The following TERB1 variants were observed in gnomAD, a reference collection of about 807,000 sequenced individuals.
The protein encoded by TERB1 is telomere repeats-binding bouquet formation protein 1.
A neutral mutation model predicts 92.3 loss-of-function variants in TERB1; 63 were observed. The ratio of observed to expected loss-of-function variants is 0.68; its 90% CI spans 0.56 to 0.84. TERB1 has a LOEUF of 0.84. TERB1 is among the 40% of genes least tolerant of loss of function. TERB1 has a pLI of 0.00. For missense variants in TERB1, 709 were observed against 843.7 expected (o/e 0.84, Z 1.98); for synonymous variants, 252 against 283.9 (o/e 0.89, Z 1.13).
At chr16:66,772,463 C>T (rs2018468120) in intron 13 of TERB1, 126 bp downstream of exon 13, 3 of 850,818 alleles carry the variant, frequency 3.5e-6, no homozygotes, top group Non-Finnish European at 5.2e-6. Flanking sequence ...ACCTGGGCAA[C>T]AGAGCAAGAC....
intron 18 of TERB1, among the ~76,000 whole-genome samples, chr16:66,755,879 T>A (rs1218469055): frequency 6.6e-6 from 1 of 152,170 alleles, no homozygotes; most frequent in African/African-American, 2.4e-5. Flanking sequence ...ATATCAACAC[T>A]TGTTAAATAT....
At chr16:66,778,363 T>C (rs538169709) in intron 10 of TERB1, among the ~76,000 whole-genome samples, 23 of 152,224 alleles carry the variant, frequency 1.5e-4, no homozygotes, top group African/African-American at 5.5e-4. Context: ...CCTTCCAAAG[T>C]GCTGGGATTA....
chr16:66,759,183 T>C lies in TERB1; in HGVS notation c.1888A>G (p.Arg630Gly). The change falls in exon 17 of 19, where the codon AGA becomes GGA. Residue 630 changes from arginine to glycine, a missense_variant. Arg to Gly is a moderately radical substitution (Grantham distance 125). Coordinates refer to ENST00000433154, the MANE Select transcript of TERB1 (RefSeq NM_001136505.2). ...GATTTCCTTAGTTCACTTTTATATCTGTCTTCAGCTTCCACAATGACTTTG... is the reference window on the plus strand; with the variant it reads ...GATTTCCTTAGTTCACTTTTATATCCGTCTTCAGCTTCCACAATGACTTTG... ...RHKVIVEAEDRYKSELRKSLI... is the reference protein window; with the variant it reads ...RHKVIVEAEDGYKSELRKSLI... The C allele has an allele frequency of 6.5e-7, 1 of 1,549,608 alleles. No homozygotes were observed. Among genetic ancestry groups the C allele is most frequent in the Non-Finnish European group, 8.7e-7 (1 of 1,146,424 alleles).
intron 9 of TERB1, among the ~76,000 whole-genome samples, chr16:66,782,313 G>A (rs772829107): frequency 2.0e-5 from 3 of 152,118 alleles, no homozygotes; most frequent in Non-Finnish European, 4.4e-5. Context: ...ACTTTGGGAG[G>A]CCAAGGCGGG....
chr16:66,772,840 A>C (rs1178837131), intron 12 of TERB1, 91 bp from the exon 13 acceptor site: 3 of 999,728 alleles, frequency 3.0e-6, no homozygotes, highest in Non-Finnish European at 4.3e-6. Flanking sequence ...TCCTTTCTCT[A>C]AATTTTTCCA....
At position 66,759,180 on chromosome 16, in the gene TERB1, A is replaced by G. The variant is rs1185337560; in HGVS notation, c.1891T>C (p.Tyr631His). 9 of 1,549,518 alleles carry G rather than the reference A, an allele frequency of 5.8e-6. No homozygotes were observed. The highest frequency in any genetic ancestry group is 7.9e-6 in the Non-Finnish European group (9 of 1,146,440). The change falls in exon 17 of 19, where the codon TAT (tyrosine) becomes CAT (histidine). Residue 631 changes from tyrosine (Y) to histidine (H), a missense_variant. Tyr to His is a moderately conservative substitution (Grantham distance 83). Transcript: ENST00000433154. ...HKVIVEAEDRYKSELRKSLIC... is the reference protein window; with the variant it reads ...HKVIVEAEDRHKSELRKSLIC... ...AGTGATTTCCTTAGTTCACTTTTAT[A>G]TCTGTCTTCAGCTTCCACAATGACT...
intron 12 of TERB1, among the ~76,000 whole-genome samples, chr16:66,773,146 T>C (rs2145137133): frequency 6.9e-6 from 1 of 144,870 alleles, no homozygotes. Flanking sequence ...GTGGCCAATA[T>C]GGTGAAACTC....
At chr16:66,795,482 C>T (rs562300080) in intron 3 of TERB1, among the ~76,000 whole-genome samples, 1 of 152,278 alleles carries the variant, frequency 6.6e-6, no homozygotes, top group South Asian at 2.1e-4. Context: ...TTCCTGGGAT[C>T]ACTTTCTGAA....
In TERB1 at chr16:66,796,771, G is replaced by T; in HGVS notation, c.28C>A (p.Gln10Lys). ...ATATGATCCATCAATTTCTCACCTT[G>T]TGTTTTCTTTGTGTCTTCACTTTCC... MESEDTKKT[Q>K]EMKTDLNLLL... Residue 10 changes from glutamine (Q) to lysine (K), a missense_variant, in exon 3 of 19, where the codon CAA becomes AAA. By Grantham distance (53) the Gln-to-Lys change is moderately conservative. Coordinates refer to ENST00000433154, the MANE Select transcript of TERB1 (RefSeq NM_001136505.2). 1 of 1,538,094 alleles carries T rather than the reference G, an allele frequency of 6.5e-7. No homozygotes were observed. The highest frequency in any genetic ancestry group is 1.2e-5 in the South Asian group (1 of 83,706).
chr16:66,764,152 G>A (rs144363812), intron 16 of TERB1, among the ~76,000 whole-genome samples: 1 of 152,280 alleles, frequency 6.6e-6, no homozygotes, highest in East Asian at 1.9e-4. Context: ...GATTTCATTT[G>A]TCTTGTAGAA....
At chr16:66,785,947 ATTGGAAAAT>A (rs2018722235) in intron 8 of TERB1, 39 bp from the exon 9 acceptor site, 1 of 1,529,452 alleles carries the variant, frequency 6.5e-7, no homozygotes, top group African/African-American at 1.4e-5. Flanking sequence ...TAATATGACA[ATTGGAAAAT>A]ATCAGTTTTC....
rs2018421006 is a variant in TERB1 at position 66,770,149 on chromosome 16, T to C, written c.1433A>G (p.His478Arg). The change falls in exon 14 of 19, where the codon CAT (histidine) becomes CGT (arginine). Residue 478 changes from histidine (H) to arginine (R), a missense_variant. Coordinates refer to ENST00000433154, the MANE Select transcript of TERB1 (RefSeq NM_001136505.2). ...HSRQLQSYKS[H>R]GVMSKACTND... ...TGTACATGCTTTAGACATGACTCCA[T>C]GGGACTTATAACTCTGTAACTGTCT... is the stretch of plus-strand genomic sequence containing the variant. 2 of 1,552,386 alleles carry C rather than the reference T, an allele frequency of 1.3e-6. No homozygotes were observed. Among genetic ancestry groups the C allele is most frequent in the Non-Finnish European group, 1.7e-6 (2 of 1,147,138 alleles).
chr16:66,777,847 A>G (rs971126559), intron 10 of TERB1, among the ~76,000 whole-genome samples: 1 of 152,238 alleles, frequency 6.6e-6, no homozygotes. Flanking sequence ...CAAAAGTCAA[A>G]AAGACCACCA....
intron 5 of TERB1, among the ~76,000 whole-genome samples, chr16:66,790,272 G>A (rs1444495724): frequency 6.7e-6 from 1 of 149,468 alleles, no homozygotes; most frequent in Non-Finnish European, 1.5e-5. Flanking sequence ...AAAAAGGGGA[G>A]GGGGGCAAAG....
intron 13 of TERB1, 139 bp downstream of exon 13, chr16:66,772,450 C>T: frequency 1.3e-6 from 1 of 747,554 alleles, no homozygotes; most frequent in Non-Finnish European, 2.1e-6. Flanking sequence ...CCACTGCACT[C>T]CAACCTGGGC....
At chr16:66,773,034 A>G (rs748374964) in intron 12 of TERB1, among the ~76,000 whole-genome samples, 2 of 152,140 alleles carry the variant, frequency 1.3e-5, no homozygotes, top group Admixed American at 6.6e-5. Flanking sequence ...GTTTTAAAGT[A>G]GTTAGTTTTT....
intron 13 of TERB1, 39 bp downstream of exon 13, chr16:66,772,550 T>C: frequency 6.7e-7 from 1 of 1,500,686 alleles, no homozygotes; most frequent in Non-Finnish European, 8.9e-7. Context: ...TTTAAAAATT[T>C]GAAAAAAGTT....
chr16:66,764,556 T>A (rs769074166), intron 16 of TERB1, among the ~76,000 whole-genome samples: 1 of 152,160 alleles, frequency 6.6e-6, no homozygotes, highest in Non-Finnish European at 1.5e-5. Context: ...ATTAAGAAGA[T>A]AAGTTAACAG....
intron 16 of TERB1, among the ~76,000 whole-genome samples, chr16:66,767,146 T>C (rs973506494): frequency 4.7e-5 from 7 of 147,808 alleles, no homozygotes; most frequent in South Asian, 2.1e-4. Context: ...TTGGCCAACA[T>C]GGTAAAACCT....
Sources: allele counts gnomAD v4.1 joint callset (sites outside exome capture counted in the v4.1 genomes callset), GRCh38; gene constraint gnomAD v4.1.1; transcripts MANE v1.5; gene names NCBI Gene and HGNC (gene_info 2026-07-23, HGNC 2026-07-21).